The following CELF1 variants were observed in gnomAD, a reference collection of about 807,000 sequenced individuals.
CELF1 encodes 50 kDa nuclear polyadenylated RNA-binding protein.
In CELF1, 10 loss-of-function variants were observed where a neutral mutation model predicts 61.8. That is an observed-to-expected ratio of 0.16 (90% CI 0.10 to 0.27). The LOEUF (loss-of-function observed/expected upper bound fraction) is 0.27, where lower values mean the gene tolerates loss of function less well. Ranked by LOEUF, CELF1 falls within the 10% of genes least tolerant of loss-of-function variation. The pLI is 1.00. For synonymous variants in CELF1, 236 were observed against 225.1 expected (o/e 1.05, Z -0.43); for missense variants, 380 against 639.1 (o/e 0.59, Z 4.37).
At chr11:47,487,407 A>G (rs2088119504) in intron 4 of CELF1, among the ~76,000 whole-genome samples, 166 bp from the exon 5 acceptor site, 1 of 152,206 alleles carries the variant, frequency 6.6e-6, no homozygotes, top group Non-Finnish European at 1.5e-5. Flanking sequence ...TAGCAGAGGA[A>G]TAAGAGATTA....
intron 13 of CELF1, among the ~76,000 whole-genome samples, chr11:47,474,298 T>A (rs557860452): frequency 6.6e-6 from 1 of 152,182 alleles, no homozygotes; most frequent in Non-Finnish European, 1.5e-5. Flanking sequence ...TCAGGGAACA[T>A]TGCTGCCTCA....
intron 2 of CELF1, among the ~76,000 whole-genome samples, chr11:47,561,137 C>CAAAAA (rs34223231): frequency 9.4e-6 from 1 of 106,014 alleles, no homozygotes; most frequent in Non-Finnish European, 1.8e-5. Context: ...GACTCTGTCT[C>CAAAAA]AAAAAAAAAA....
intron 1 of CELF1, among the ~76,000 whole-genome samples, chr11:47,548,325 T>C (rs1195685089): frequency 2.0e-5 from 3 of 151,896 alleles, no homozygotes; most frequent in Non-Finnish European, 2.9e-5. Flanking sequence ...ACAACCTAAA[T>C]GTAAGACCTA....
intron 2 of CELF1, among the ~76,000 whole-genome samples, chr11:47,561,569 C>T (rs12798346): frequency 0.28 from 42,581 of 151,992 alleles, 7,002 homozygotes; most frequent in Middle Eastern, 0.38. Context: ...TCCATACTCT[C>T]CTGGTGGGGA....
rs1045245622 is a variant in CELF1, at chr11:47,475,363, T to C, written c.1246A>G (p.Ile416Val). The change falls in exon 13 of 15, where the codon ATT becomes GTT. Residue 416 changes from isoleucine (I) to valine (V), a missense_variant. By Grantham distance (29) the Ile-to-Val change is conservative. Transcript: ENST00000687097. ...TCCTTCTGGCTTCCAGCAGCACCAA[T>C]ACTCTGCTGTGTCAGAAGATTCTGG... ...YNQNLLTQQS[I>V]GAAGSQKEGP... The C allele has an allele frequency of 1.9e-6, 3 of 1,613,868 alleles. No individual in the cohort carries two copies. The highest frequency in any genetic ancestry group is 1.1e-5 in the South Asian group (1 of 91,060).
intron 1 of CELF1, among the ~76,000 whole-genome samples, chr11:47,526,706 T>C (rs529463461): frequency 1.4e-4 from 22 of 152,236 alleles, no homozygotes; most frequent in African/African-American, 5.3e-4. Context: ...ATGGTGGAAC[T>C]AGAAATGTTT....
intron 1 of CELF1, among the ~76,000 whole-genome samples, chr11:47,565,056 A>T (rs1263687162): frequency 1.3e-5 from 2 of 152,102 alleles, no homozygotes; most frequent in Admixed American, 1.3e-4. Context: ...GCCCTCACCC[A>T]GGTAGCTCCT....
At chr11:47,562,415 G>GCCC (rs1273127139) in intron 2 of CELF1, among the ~76,000 whole-genome samples, 1 of 150,386 alleles carries the variant, frequency 6.6e-6, no homozygotes, top group Non-Finnish European at 1.5e-5. Flanking sequence ...TGTGGTCCCA[G>GCCC]CTACTCAGGA....
intron 2 of CELF1, among the ~76,000 whole-genome samples, chr11:47,562,475 G>C (rs1376544898): frequency 7.4e-6 from 1 of 135,512 alleles, no homozygotes; most frequent in Non-Finnish European, 1.5e-5. Context: ...GTTGCAGTGA[G>C]CTAAGATCAC....
chr11:47,512,038 C>G (rs1322315218), intron 1 of CELF1, among the ~76,000 whole-genome samples: 1 of 152,082 alleles, frequency 6.6e-6, no homozygotes, highest in African/African-American at 2.4e-5. Context: ...TCAGCAGAAA[C>G]AGGGTTTCCC....
chr11:47,477,331 T>G lies in CELF1; in HGVS notation c.939A>C (p.Thr313=). 5 of 1,614,090 alleles carry G rather than the reference T, an allele frequency of 3.1e-6. No individual in the cohort carries two copies. Among genetic ancestry groups the G allele is most frequent in the Non-Finnish European group, 4.2e-6 (5 of 1,179,986 alleles). The part of the protein sequence containing the change: ...NTPSGTNALT[T]SSSPLSVLTS... The stretch of plus-strand genomic sequence containing the variant: ...TGAGCACGCTGAGGGGACTGCTGGA[T>G]GTAGTGAGAGCATTGGTACCACTTG... Residue 313 remains threonine, a synonymous_variant, in exon 11 of 15, where the codon ACA becomes ACC. Coordinates refer to ENST00000687097, the MANE Select transcript of CELF1 (RefSeq NM_001376376.1).
At chr11:47,550,252 C>T (rs1357171747) in intron 1 of CELF1, among the ~76,000 whole-genome samples, 1 of 152,082 alleles carries the variant, frequency 6.6e-6, no homozygotes, top group Non-Finnish European at 1.5e-5. Flanking sequence ...AAAAAAACAC[C>T]GGGTACGGTG....
exon 1 of CELF1, chr11:47,565,489 C>T: frequency 2.5e-6 from 2 of 806,844 alleles, no homozygotes; most frequent in Non-Finnish European, 3.3e-6. Flanking sequence ...CCAGGCCAGT[C>T]CCCGCCGTCA....
chr11:47,531,777 TCTC>T (rs1457992702), intron 1 of CELF1, among the ~76,000 whole-genome samples: 5 of 152,180 alleles, frequency 3.3e-5, no homozygotes, highest in Non-Finnish European at 7.3e-5. Flanking sequence ...CTCAAAATCA[TCTC>T]CTCTCGTTAA....
chr11:47,555,217 G>T (rs924258135), upstream of CELF1, among the ~76,000 whole-genome samples: 12 of 152,152 alleles, frequency 7.9e-5, no homozygotes, highest in Admixed American at 5.9e-4. Context: ...ACCTGCCCAT[G>T]AGCTAAATAA....
At chr11:47,482,502 G>A in intron 9 of CELF1, 193 bp downstream of exon 9, 1 of 408,478 alleles carries the variant, frequency 2.4e-6, no homozygotes, top group Non-Finnish European at 4.3e-6. Context: ...AGAGATGCAT[G>A]TCCAGAGATA....
rs144065797 is a variant in CELF1 at position 47,529,608 on chromosome 11, G to A, written c.-154+23384C>T. ...CAGGAAGTGGAGGTTGTAGTGAGCC[G>A]AGATCCTGTCACTGCACTCCAGCCT... On this transcript the variant is annotated intron_variant, in intron 1 of 14. Coordinates refer to ENST00000687097, the MANE Select transcript of CELF1 (RefSeq NM_001376376.1). 2.5e-3 allele frequency among the ~76,000 whole-genome samples: 385 copies of A among 151,726 alleles called. 3 individuals are homozygous for A. The highest frequency in any genetic ancestry group is 8.7e-3 in the African/African-American group (361 of 41,360).
chr11:47,540,413 C>T (rs2096743554), intron 1 of CELF1, among the ~76,000 whole-genome samples: 1 of 152,300 alleles, frequency 6.6e-6, no homozygotes, highest in Non-Finnish European at 1.5e-5. Context: ...GTAAAATATC[C>T]TTGTTGAAAG....
At chr11:47,531,386 G>A (rs935908759) in intron 1 of CELF1, among the ~76,000 whole-genome samples, 2 of 152,120 alleles carry the variant, frequency 1.3e-5, no homozygotes, top group Non-Finnish European at 2.9e-5. Flanking sequence ...TGGCTAACAT[G>A]GTGAAACCCC....
Sources: allele counts gnomAD v4.1 joint callset (sites outside exome capture counted in the v4.1 genomes callset), GRCh38; gene constraint gnomAD v4.1.1; transcripts MANE v1.5; gene names NCBI Gene and HGNC (gene_info 2026-07-23, HGNC 2026-07-21).